Variants in GFRA1 observed in about 807,000 individuals in gnomAD.
The protein encoded by GFRA1 is GDNF family receptor alpha-1.
A neutral mutation model predicts 51.6 loss-of-function variants in GFRA1; 16 were observed. That is an observed-to-expected ratio of 0.31 (90% CI 0.21 to 0.47). The LOEUF is 0.47. Ranked by LOEUF, GFRA1 falls within the 20% of genes least tolerant of loss-of-function variation. The pLI, the probability that GFRA1 is intolerant of heterozygous loss-of-function variation, is 1.00. For missense variants in GFRA1, 530 were observed against 594.3 expected, an observed-to-expected ratio of 0.89 and a Z score of 1.13; for synonymous variants, 270 against 241.3, an observed-to-expected ratio of 1.12 and a Z score of -1.10.
At chr10:116,265,076 G>T (rs1415454053) in intron 4 of GFRA1, among the ~76,000 whole-genome samples, 1 of 152,170 alleles carries the variant, frequency 6.6e-6, no homozygotes, top group African/African-American at 2.4e-5. Context: ...ATTATTCACA[G>T]AATCACTCAG....
intron 6 of GFRA1, among the ~76,000 whole-genome samples, chr10:116,118,705 G>C (rs905650411): frequency 6.6e-6 from 1 of 152,156 alleles, no homozygotes; most frequent in African/African-American, 2.4e-5. Context: ...CTGGTGCCAT[G>C]AGTCCATCTG....
intron 5 of GFRA1, among the ~76,000 whole-genome samples, chr10:116,147,831 C>T (rs1420501292): frequency 2.0e-5 from 3 of 152,098 alleles, no homozygotes; most frequent in African/African-American, 7.2e-5. Flanking sequence ...TCACTCAAAC[C>T]TCACGCACGC....
At chr10:116,114,396 A>ACTCTGC (rs1957329724) in intron 6 of GFRA1, among the ~76,000 whole-genome samples, 1 of 151,796 alleles carries the variant, frequency 6.6e-6, no homozygotes, top group Non-Finnish European at 1.5e-5. Context: ...ACACCTCTAG[A>ACTCTGC]CTCTGCCTCC....
At chr10:116,260,462 A>G (rs1286905101) in intron 4 of GFRA1, among the ~76,000 whole-genome samples, 2 of 152,198 alleles carry the variant, frequency 1.3e-5, no homozygotes, top group African/African-American at 4.8e-5. Flanking sequence ...TTCTGCCACC[A>G]TGGCTGCATA....
chr10:116,241,809 G>C (rs1245014140), intron 4 of GFRA1, among the ~76,000 whole-genome samples: 1 of 152,176 alleles, frequency 6.6e-6, no homozygotes, highest in Non-Finnish European at 1.5e-5. Context: ...AATGCAGAAG[G>C]AAGTTTCAAC....
At chr10:116,070,814 T>A (rs900311474) in intron 9 of GFRA1, among the ~76,000 whole-genome samples, 7 of 148,618 alleles carry the variant, frequency 4.7e-5, no homozygotes, top group Admixed American at 2.7e-4. Flanking sequence ...CATCTGGGAT[T>A]GCTGGGAGAA....
chr10:116,121,499 T>C (rs929146954), intron 6 of GFRA1, among the ~76,000 whole-genome samples: 1 of 152,196 alleles, frequency 6.6e-6, no homozygotes, highest in African/African-American at 2.4e-5. Flanking sequence ...CTAATGTTGC[T>C]TCCCATCTGT....
chr10:116,120,557 C>T (rs540669792), intron 6 of GFRA1, among the ~76,000 whole-genome samples: 1 of 152,086 alleles, frequency 6.6e-6, no homozygotes, highest in Non-Finnish European at 1.5e-5. Context: ...TGCACTCCAG[C>T]CTAGGTAACA....
intron 6 of GFRA1, among the ~76,000 whole-genome samples, chr10:116,114,397 C>A (rs1027651398): frequency 2.6e-5 from 4 of 152,178 alleles, no homozygotes; most frequent in Non-Finnish European, 4.4e-5. Context: ...CACCTCTAGA[C>A]TCTGCCTCCG....
intron 5 of GFRA1, among the ~76,000 whole-genome samples, chr10:116,163,988 C>T (rs546198761): frequency 1.1e-4 from 17 of 152,300 alleles, no homozygotes; most frequent in Non-Finnish European, 2.2e-4. Context: ...CATCGAACCC[C>T]TTGGTGCTTC....
intron 5 of GFRA1, among the ~76,000 whole-genome samples, chr10:116,177,533 G>A (rs540109999): frequency 4.0e-4 from 61 of 152,250 alleles, no homozygotes; most frequent in South Asian, 3.3e-3. Flanking sequence ...CTTGGCTAGT[G>A]TTGGCTGTTG....
intron 5 of GFRA1, among the ~76,000 whole-genome samples, chr10:116,204,150 C>T (rs1964548877): frequency 6.6e-6 from 1 of 152,162 alleles, no homozygotes; most frequent in African/African-American, 2.4e-5. Flanking sequence ...CAGACTGAAC[C>T]CAGGTAGACT....
intron 4 of GFRA1, among the ~76,000 whole-genome samples, chr10:116,226,065 T>C (rs886972434): frequency 1.7e-4 from 26 of 152,142 alleles, no homozygotes; most frequent in African/African-American, 5.6e-4. Context: ...TAAAAATAAA[T>C]AAATGAAATG....
chr10:116,072,764 A>G (rs1307235571), intron 9 of GFRA1, among the ~76,000 whole-genome samples: 1 of 152,028 alleles, frequency 6.6e-6, no homozygotes, highest in Admixed American at 6.6e-5. Flanking sequence ...CCATCTCAAA[A>G]CAAAACAAAA....
intron 5 of GFRA1, among the ~76,000 whole-genome samples, chr10:116,150,093 G>T (rs906548435): frequency 3.9e-5 from 6 of 152,196 alleles, no homozygotes; most frequent in Middle Eastern, 3.4e-3. Flanking sequence ...GGAAGTGGAG[G>T]CCCAGAAAGG....
intron 4 of GFRA1, among the ~76,000 whole-genome samples, chr10:116,253,571 G>A (rs886830911): frequency 1.3e-5 from 2 of 151,756 alleles, no homozygotes; most frequent in African/African-American, 2.4e-5. Context: ...TCGCACCACT[G>A]CACTGCAGCC....
At chr10:116,079,049 A>G (rs950776494) in intron 9 of GFRA1, among the ~76,000 whole-genome samples, 2 of 151,904 alleles carry the variant, frequency 1.3e-5, no homozygotes, top group African/African-American at 4.8e-5. Flanking sequence ...CTCCTTTGAG[A>G]TGTTCTCTGC....
intron 3 of GFRA1, 32 bp downstream of exon 3, chr10:116,270,790 C>A: frequency 6.3e-7 from 1 of 1,586,908 alleles, no homozygotes; most frequent in South Asian, 1.1e-5. Flanking sequence ...CGGGGAGGGA[C>A]ACGGGGTGGG....
At chr10:116,187,662 T>C (rs550939482) in intron 5 of GFRA1, among the ~76,000 whole-genome samples, 1 of 152,284 alleles carries the variant, frequency 6.6e-6, no homozygotes, top group East Asian at 1.9e-4. Flanking sequence ...TTTAGGTTAA[T>C]ATTAAAATTC....
Sources: gnomAD v4.1 joint callset for allele counts (sites outside exome capture counted in the v4.1 genomes callset) on GRCh38, gnomAD v4.1.1 for gene constraint, MANE v1.5 for transcripts, NCBI Gene and HGNC (gene_info 2026-07-23, HGNC 2026-07-21) for gene names.